Variants in C2orf80 observed in about 807,000 individuals in gnomAD.
C2orf80 encodes uncharacterized protein C2orf80.
Under a neutral mutation model 30.2 loss-of-function variants are expected in C2orf80, and 28 were observed. The observed-to-expected ratio is 0.93, with a 90% CI of 0.69 to 1.27. C2orf80 has a LOEUF of 1.27. Ranked by LOEUF, C2orf80 falls within the 50% of genes most tolerant of loss-of-function variation. The probability of loss-of-function intolerance (pLI) is 0.00; values close to 1 mark genes in which losing one functional copy is unlikely to be tolerated. For missense variants in C2orf80, 220 were observed against 231.0 expected (o/e 0.95, Z 0.31); for synonymous variants, 80 against 76.4 (o/e 1.05, Z -0.24).
Position 208,185,419 on chromosome 2 carries a change from C to A in C2orf80, c.42-387G>T, listed in dbSNP as rs191447509. Among the ~76,000 whole-genome samples, 208 of 152,250 alleles carry A rather than the reference C, an allele frequency of 1.4e-3. 2 individuals are homozygous for A. The highest frequency in any genetic ancestry group is 0.01 in the Middle Eastern group (3 of 294). On this transcript the variant is annotated intron_variant, in intron 2 of 8. Transcript: ENST00000341287. ...GCAGCATGTCCAAAGTTGATACATT[C>A]CAGATATATAAAATTCTGTAGGTAA...
In C2orf80 at chr2:208,176,886, GGTGT is replaced by G. The variant is rs1559340079; in HGVS notation, c.366+3855_366+3858del. On this transcript the variant is annotated intron_variant, in intron 6 of 8. Coordinates refer to ENST00000341287, the MANE Select transcript of C2orf80 (RefSeq NM_001099334.3). ...TACTATATATACATATGTATACATA[GGTGT>G]ATATATATACATATCTGTGTATACA... is the stretch of plus-strand genomic sequence containing the variant. Among the ~76,000 whole-genome samples, 12 of 35,924 alleles carry G rather than the reference GGTGT, an allele frequency of 3.3e-4. No homozygotes were observed. The East Asian group carries it at 0.015, about 44-fold the overall frequency. The allele number at this position is 35,924 out of a possible 152,430, so 23.6% of individuals were successfully genotyped here. A position where few individuals can be genotyped will look rare whatever the true frequency, so the allele number is the denominator to read the frequency against.
intron 5 of C2orf80, 143 bp downstream of exon 5, chr2:208,181,075 T>C: frequency 1.4e-6 from 1 of 707,374 alleles, no homozygotes; most frequent in Non-Finnish European, 2.3e-6. Flanking sequence ...TTTTTATTAC[T>C]TTAAAAAACG....
At chr2:208,169,881 G>T (rs1385087443) in intron 8 of C2orf80, among the ~76,000 whole-genome samples, 2 of 152,086 alleles carry the variant, frequency 1.3e-5, no homozygotes, top group African/African-American at 2.4e-5. Context: ...TATGACCAAA[G>T]AATTCAATCA....
At chr2:208,165,893 A>T in intron 8 of C2orf80, 78 bp from the exon 9 acceptor site, 1 of 948,534 alleles carries the variant, frequency 1.1e-6, no homozygotes, top group Non-Finnish European at 1.6e-6. Flanking sequence ...GTCTATAGGA[A>T]GTTAAGGTCA....
chr2:208,167,899 T>G (rs1247488674), intron 8 of C2orf80, among the ~76,000 whole-genome samples: 1 of 146,084 alleles, frequency 6.8e-6, no homozygotes, highest in Non-Finnish European at 1.5e-5. Flanking sequence ...TTTTAATAAT[T>G]TCCTCTTTTC....
Position 208,180,770 on chromosome 2 carries a change from G to C in C2orf80, c.341C>G (p.Ser114Cys), listed in dbSNP as rs1013781037. ...EEVFKIYGAD[S>C]SADSGTIKVP... ...CTTGATGGTACCAGAATCGGCAGAA[G>C]AATCAGCCCCATAAATTTTAAAGAC... The change falls in exon 6 of 9, where the codon TCT becomes TGT. Residue 114 changes from serine (S) to cysteine (C), a missense_variant. Coordinates refer to ENST00000341287, the MANE Select transcript of C2orf80 (RefSeq NM_001099334.3). 19 of 1,613,618 alleles carry C rather than the reference G, an allele frequency of 1.2e-5. No homozygotes were observed. In the South Asian group the frequency reaches 2.0e-4, roughly 17 times the overall value.
In C2orf80 at chr2:208,176,943, GT is replaced by G. The variant is rs1559340457; in HGVS notation, c.366+3801del. On this transcript the variant is annotated intron_variant, in intron 6 of 8. Coordinates refer to ENST00000341287, the MANE Select transcript of C2orf80 (RefSeq NM_001099334.3). ...TCTGTATACATATGTATACATATCT[GT>G]ATACATATCTGTATACATATGTATA... Among the ~76,000 whole-genome samples the G allele has an allele frequency of 3.0e-4, 26 of 87,700 alleles. 3 individuals are homozygous for G. Among genetic ancestry groups the G allele is most frequent in the African/African-American group, 7.0e-4 (18 of 25,566 alleles). The allele number at this position is 87,700 out of a possible 152,430, so 57.5% of individuals were successfully genotyped here.
intron 8 of C2orf80, among the ~76,000 whole-genome samples, chr2:208,168,043 C>G (rs1695959607): frequency 6.6e-6 from 1 of 152,004 alleles, no homozygotes; most frequent in South Asian, 2.1e-4. Context: ...AAAGGAAAAA[C>G]AGTAAGCTCA....
intron 6 of C2orf80, among the ~76,000 whole-genome samples, chr2:208,176,019 C>G (rs905107426): frequency 6.6e-6 from 1 of 152,108 alleles, no homozygotes; most frequent in African/African-American, 2.4e-5. Flanking sequence ...ATTCAAATTA[C>G]GCCCTCTGTG....
At chr2:208,176,963 A>ATCTGTATACAGATC (rs1308794551) in intron 6 of C2orf80, among the ~76,000 whole-genome samples, 2 of 36,144 alleles carry the variant, frequency 5.5e-5, no homozygotes, top group African/African-American at 1.6e-4. Context: ...CTGTATACAT[A>ATCTGTATACAGATC]TGTATACATA....
chr2:208,187,356 G>A (rs1315155680), intron 1 of C2orf80, among the ~76,000 whole-genome samples: 1 of 152,062 alleles, frequency 6.6e-6, no homozygotes, highest in Non-Finnish European at 1.5e-5. Flanking sequence ...AGACTATTCG[G>A]GCAGAACCAT....
At chr2:208,171,102 T>G (rs372012801) in intron 7 of C2orf80, 39 bp from the exon 8 acceptor site, 1 of 1,404,562 alleles carries the variant, frequency 7.1e-7, no homozygotes, top group Non-Finnish European at 9.9e-7. Flanking sequence ...TATATAAAAC[T>G]TTTTTAAAAA....
At chr2:208,168,660 C>CAAA (rs67224423) in intron 8 of C2orf80, among the ~76,000 whole-genome samples, 2 of 97,796 alleles carry the variant, frequency 2.0e-5, no homozygotes, top group Non-Finnish European at 3.8e-5. Flanking sequence ...GACTCCGTCT[C>CAAA]AAAAAAAAAA....
At chr2:208,182,508 T>A (rs1559343731) in intron 4 of C2orf80, among the ~76,000 whole-genome samples, 1 of 152,142 alleles carries the variant, frequency 6.6e-6, no homozygotes, top group African/African-American at 2.4e-5. Context: ...TGGGTTCAAG[T>A]GATTCTCCTC....
chr2:208,172,249 A>G (rs1374365203), intron 6 of C2orf80, among the ~76,000 whole-genome samples, 174 bp from the exon 7 acceptor site: 2 of 152,160 alleles, frequency 1.3e-5, no homozygotes, highest in Non-Finnish European at 2.9e-5. Flanking sequence ...GAAGTATATG[A>G]ACGTGAACTT....
intron 8 of C2orf80, among the ~76,000 whole-genome samples, chr2:208,169,136 G>T (rs960420485): frequency 3.5e-4 from 53 of 152,168 alleles, no homozygotes; most frequent in Non-Finnish European, 2.9e-4. Context: ...TTAAAAATAA[G>T]ATACCAATGA....
chr2:208,173,942 C>G (rs1221962295), intron 6 of C2orf80, among the ~76,000 whole-genome samples: 1 of 151,710 alleles, frequency 6.6e-6, no homozygotes. Flanking sequence ...TTTTTAATCC[C>G]TCATTTACTA....
At chr2:208,180,164 A>G (rs1696508073) in intron 6 of C2orf80, among the ~76,000 whole-genome samples, 1 of 152,050 alleles carries the variant, frequency 6.6e-6, no homozygotes, top group South Asian at 2.1e-4. Context: ...TTAGAAACAG[A>G]GCAGAGGTTG....
intron 3 of C2orf80, among the ~76,000 whole-genome samples, chr2:208,183,539 T>C (rs1400409758): frequency 6.6e-6 from 1 of 152,114 alleles, no homozygotes; most frequent in Non-Finnish European, 1.5e-5. Context: ...GTCAGAAATG[T>C]GCTTCCAGGG....
Sources: allele counts gnomAD v4.1 joint callset (sites outside exome capture counted in the v4.1 genomes callset), GRCh38; gene constraint gnomAD v4.1.1; transcripts MANE v1.5; gene names NCBI Gene and HGNC (gene_info 2026-07-23, HGNC 2026-07-21).